Variants in POU6F2 observed in about 807,000 individuals in gnomAD.
POU6F2 encodes POU class 6 homeobox 2.
A neutral mutation model predicts 71.3 loss-of-function variants in POU6F2; 31 were observed. The ratio of observed to expected loss-of-function variants is 0.43; its 90% confidence interval spans 0.33 to 0.59. POU6F2 has a LOEUF of 0.59. Ranked by LOEUF, POU6F2 falls within the 20% of genes least tolerant of loss-of-function variation. The probability of loss-of-function intolerance (pLI) is 0.04; values close to 1 mark genes in which losing one functional copy is unlikely to be tolerated. For missense variants in POU6F2, 783 were observed against 856.8 expected (o/e 0.91, Z 1.07); for synonymous variants, 347 against 355.7 (o/e 0.98, Z 0.27).
chr7:39,327,938 T>C (rs577130599), intron 4 of POU6F2, among the ~76,000 whole-genome samples: 2 of 152,130 alleles, frequency 1.3e-5, no homozygotes, highest in Non-Finnish European at 2.9e-5. Flanking sequence ...TTCTTTTTTT[T>C]GAGACAGAGT....
At chr7:39,379,248 T>G (rs1786775842) in intron 5 of POU6F2, among the ~76,000 whole-genome samples, 2 of 152,196 alleles carry the variant, frequency 1.3e-5, no homozygotes, top group Admixed American at 1.3e-4. Flanking sequence ...TAGGCCCAAG[T>G]TGGAGCTAGA....
At chr7:39,307,272 C>T (rs1398115592) in intron 4 of POU6F2, among the ~76,000 whole-genome samples, 2 of 151,928 alleles carry the variant, frequency 1.3e-5, no homozygotes, top group Non-Finnish European at 2.9e-5. Flanking sequence ...GTATAATTTT[C>T]GGAACTCTCT....
chr7:39,273,681 G>GTT (rs1168258591), intron 4 of POU6F2, among the ~76,000 whole-genome samples: 1 of 145,686 alleles, frequency 6.9e-6, no homozygotes, highest in African/African-American at 2.5e-5. Context: ...TTCTTGGTTT[G>GTT]TTTTTTTTTT....
intron 1 of POU6F2, among the ~76,000 whole-genome samples, chr7:39,008,875 G>T (rs1789172936): frequency 6.7e-6 from 1 of 149,526 alleles, no homozygotes; most frequent in South Asian, 2.1e-4. Context: ...CTGTTCCATT[G>T]ATCTATATCT....
chr7:39,033,489 C>G lies in POU6F2; in HGVS notation c.106-52371C>G, dbSNP rs147800184. ...AAGTCAAAAGTAGCTGGTGGAGAAACGCTATGTCTTTAGTTTATTGAGATT... is the reference window on the plus strand; with the variant it reads ...AAGTCAAAAGTAGCTGGTGGAGAAAGGCTATGTCTTTAGTTTATTGAGATT... On this transcript the variant is annotated intron_variant, in intron 1 of 9. Transcript: ENST00000518318. Among the ~76,000 whole-genome samples, 524 of 152,246 alleles carry G rather than the reference C, an allele frequency of 3.4e-3. 8 individuals carry two copies. The highest frequency in any genetic ancestry group is 0.032 in the South Asian group (156 of 4,824).
At chr7:39,129,002 T>G (rs527507657) in intron 2 of POU6F2, among the ~76,000 whole-genome samples, 10 of 152,314 alleles carry the variant, frequency 6.6e-5, no homozygotes, top group Non-Finnish European at 1.5e-4. Context: ...AGAGTGGATA[T>G]TGCTTTTGGA....
intron 5 of POU6F2, among the ~76,000 whole-genome samples, chr7:39,392,949 T>C (rs940715604): frequency 1.3e-5 from 2 of 152,228 alleles, no homozygotes; most frequent in Non-Finnish European, 2.9e-5. Flanking sequence ...CATCAGTGAT[T>C]CCCTGCTCTC....
chr7:39,016,057 T>TATATATAATATACAGATATATATC (rs1789531948), intron 1 of POU6F2, among the ~76,000 whole-genome samples: 1 of 37,916 alleles, frequency 2.6e-5, no homozygotes, highest in Non-Finnish European at 5.4e-5. Flanking sequence ...TTATATATAT[T>TATATATAATATACAGATATATATC]ATATATAATA....
intron 1 of POU6F2, among the ~76,000 whole-genome samples, chr7:39,054,270 A>G (rs975371416): frequency 1.2e-4 from 18 of 152,248 alleles, no homozygotes; most frequent in Middle Eastern, 3.4e-3. Context: ...TTATTATCCT[A>G]TTAATTAGTA....
At chr7:39,419,034 TATAC>T (rs1182847821) in intron 6 of POU6F2, among the ~76,000 whole-genome samples, 1 of 146,680 alleles carries the variant, frequency 6.8e-6, no homozygotes, top group Non-Finnish European at 1.5e-5. Context: ...TGTGTGTATA[TATAC>T]ATATATATGT....
At chr7:39,249,010 A>G (rs1463404750) in intron 4 of POU6F2, among the ~76,000 whole-genome samples, 1 of 152,148 alleles carries the variant, frequency 6.6e-6, no homozygotes. Flanking sequence ...ACAATGACTC[A>G]TTTTAGCCCA....
rs146025499 is a variant in POU6F2, at chr7:39,143,121, T to G, written c.277+57090T>G. ...AGTAGCTGTGGCATAGAGAAGTACA[T>G]GCAATGAGGATATTATGCATCAAAA... On this transcript the variant is annotated intron_variant, in intron 2 of 9. Coordinates refer to ENST00000518318, the MANE Select transcript of POU6F2 (RefSeq NM_001370959.1). Among the ~76,000 whole-genome samples, 294 of 152,304 alleles carry G rather than the reference T, an allele frequency of 1.9e-3. 5 individuals carry two copies. The East Asian group carries it at 0.033, about 17-fold the overall frequency.
intron 4 of POU6F2, among the ~76,000 whole-genome samples, chr7:39,328,649 A>G (rs752938024): frequency 6.6e-5 from 10 of 152,246 alleles, no homozygotes; most frequent in Non-Finnish European, 1.2e-4. Context: ...ATAATTGTCA[A>G]GGGGCGCTAA....
At chr7:39,330,563 C>G (rs1253398462) in intron 4 of POU6F2, among the ~76,000 whole-genome samples, 4 of 152,012 alleles carry the variant, frequency 2.6e-5, no homozygotes, top group Non-Finnish European at 5.9e-5. Context: ...CCTGCAGAGC[C>G]AAAAAAATAC....
At chr7:39,445,296 G>C (rs1788498470) in intron 7 of POU6F2, among the ~76,000 whole-genome samples, 2 of 152,194 alleles carry the variant, frequency 1.3e-5, no homozygotes. Flanking sequence ...ATCTAAAATA[G>C]AGTAAGGGTT....
chr7:39,154,619 G>A (rs573708550), intron 2 of POU6F2, among the ~76,000 whole-genome samples: 2 of 152,226 alleles, frequency 1.3e-5, no homozygotes, highest in Admixed American at 1.3e-4. Flanking sequence ...TGCAACCGCA[G>A]GTAGAACCAC....
chr7:39,444,442 C>T lies in POU6F2; in HGVS notation c.1321-7091C>T, dbSNP rs148900084. Among the ~76,000 whole-genome samples, 1,124 of 152,260 alleles carry T rather than the reference C, an allele frequency of 7.4e-3. 4 individuals carry two copies. Among genetic ancestry groups the T allele is most frequent in the Non-Finnish European group, 0.011 (760 of 68,016 alleles). On this transcript the variant is annotated intron_variant, in intron 7 of 9. Coordinates refer to ENST00000518318, the MANE Select transcript of POU6F2 (RefSeq NM_001370959.1). The stretch of plus-strand genomic sequence containing the variant: ...CTACTAAAATACAAAAAGTTAGCTG[C>T]GCATGGTGGTGCATGCCTGTAGTCC...
At chr7:39,380,261 C>G (rs1483036639) in intron 5 of POU6F2, among the ~76,000 whole-genome samples, 1 of 152,146 alleles carries the variant, frequency 6.6e-6, no homozygotes, top group Non-Finnish European at 1.5e-5. Flanking sequence ...GCAGCTACTC[C>G]CAGGCCTCTT....
chr7:39,277,355 TAGTG>T (rs1413807707), intron 4 of POU6F2, among the ~76,000 whole-genome samples: 28 of 152,284 alleles, frequency 1.8e-4, no homozygotes, highest in African/African-American at 6.0e-4. Context: ...AACACGAAGA[TAGTG>T]AGCATAGTCC....
Sources: allele counts gnomAD v4.1 joint callset (sites outside exome capture counted in the v4.1 genomes callset), GRCh38; gene constraint gnomAD v4.1.1; transcripts MANE v1.5; gene names NCBI Gene and HGNC (gene_info 2026-07-23, HGNC 2026-07-21).